PCNX2: variants seen among roughly 807,000 people sequenced by gnomAD.
The protein encoded by PCNX2 is pecanex-like protein 2.
A neutral mutation model predicts 223.8 loss-of-function variants in PCNX2; 168 were observed. That is an observed-to-expected ratio of 0.75 (90% CI 0.66 to 0.85). PCNX2 has a LOEUF of 0.85. PCNX2 is among the 40% of genes least tolerant of loss of function. PCNX2 has a pLI of 0.00. For missense variants in PCNX2, 2,507 were observed against 2,675.5 expected, an observed-to-expected ratio of 0.94 and a Z score of 1.39; for synonymous variants, 1,006 against 1,052.6, an observed-to-expected ratio of 0.96 and a Z score of 0.86.
chr1:233,292,264 T>G (rs995409900), intron 1 of PCNX2, among the ~76,000 whole-genome samples: 1 of 147,132 alleles, frequency 6.8e-6, no homozygotes, highest in African/African-American at 2.6e-5. Context: ...TGGAGTGCAG[T>G]GGCGTGATCT....
intron 15 of PCNX2, among the ~76,000 whole-genome samples, chr1:233,179,880 G>T (rs1206720336): frequency 2.0e-5 from 3 of 152,166 alleles, no homozygotes; most frequent in Non-Finnish European, 4.4e-5. Context: ...CTTCTTCTTT[G>T]TTCTCCCTTG....
At chr1:233,062,795 G>A (rs575091620) in intron 23 of PCNX2, among the ~76,000 whole-genome samples, 4 of 152,230 alleles carry the variant, frequency 2.6e-5, no homozygotes, top group African/African-American at 9.6e-5. Context: ...ACTATAGTCT[G>A]ATTATAAAAT....
intron 15 of PCNX2, among the ~76,000 whole-genome samples, chr1:233,180,492 C>T (rs1679726001): frequency 1.3e-5 from 2 of 151,984 alleles, no homozygotes; most frequent in Non-Finnish European, 2.9e-5. Flanking sequence ...TGAATTTAGT[C>T]AAGAACTTAA....
At chr1:233,032,264 G>A (rs1433405847) in intron 25 of PCNX2, among the ~76,000 whole-genome samples, 1 of 152,034 alleles carries the variant, frequency 6.6e-6, no homozygotes, top group Admixed American at 6.6e-5. Flanking sequence ...CACCACACCT[G>A]GCTAATTTTG....
At chr1:232,987,034 A>G (rs1222172115) in intron 32 of PCNX2, among the ~76,000 whole-genome samples, 1 of 152,218 alleles carries the variant, frequency 6.6e-6, no homozygotes, top group Non-Finnish European at 1.5e-5. Flanking sequence ...TTTATTTGCC[A>G]TGAAAAAAGA....
chr1:233,011,921 A>C (rs1670482171), intron 28 of PCNX2, among the ~76,000 whole-genome samples: 1 of 152,184 alleles, frequency 6.6e-6, no homozygotes, highest in South Asian at 2.1e-4. Context: ...CCAAAGAGGG[A>C]ATTGTGGGAC....
intron 19 of PCNX2, 88 bp downstream of exon 19, chr1:233,160,195 T>C: frequency 7.2e-7 from 1 of 1,395,282 alleles, no homozygotes; most frequent in Admixed American, 1.9e-5. Context: ...TGGCATTAAG[T>C]ACATTCAGAC....
chr1:233,239,080 C>T (rs148659073), intron 8 of PCNX2, among the ~76,000 whole-genome samples: 43 of 152,264 alleles, frequency 2.8e-4, no homozygotes, highest in Non-Finnish European at 5.6e-4. Flanking sequence ...GCAATGTTGA[C>T]ACAAATTCAG....
In PCNX2 at chr1:233,025,273, C is replaced by A. The variant is rs756831078; in HGVS notation, c.4478G>T (p.Arg1493Leu). ...CTGCGTGATTTCCCAGGTGAGCCAG[C>A]GGAGGTGAAAGGCAGCGTTGCAGGA... is the stretch of plus-strand genomic sequence containing the variant. ...LLSCNAAFHL[R>L]WLTWEITQTQ... Residue 1493 changes from arginine to leucine, a missense_variant, in exon 26 of 34, where the codon CGC (arginine) becomes CTC (leucine). Arg to Leu is a moderately radical substitution (Grantham distance 102). Around this residue, in one of 3 missense-constraint regions of PCNX2, gnomAD observed 1,372 missense variants for 1,509.4 expected, o/e 0.91. Coordinates refer to ENST00000258229, the MANE Select transcript of PCNX2 (RefSeq NM_014801.4). The A allele has an allele frequency of 1.2e-6, 2 of 1,613,976 alleles. No homozygotes were observed. Among genetic ancestry groups the A allele is most frequent in the Non-Finnish European group, 1.7e-6 (2 of 1,179,894 alleles).
intron 26 of PCNX2, among the ~76,000 whole-genome samples, chr1:233,021,399 C>A (rs770445818): frequency 2.3e-4 from 35 of 152,134 alleles, no homozygotes; most frequent in Non-Finnish European, 4.6e-4. Flanking sequence ...ACTGATTAAA[C>A]AATATAAGTC....
At chr1:233,237,132 T>G (rs540542955) in intron 8 of PCNX2, 152 bp from the exon 9 acceptor site, 2 of 533,404 alleles carry the variant, frequency 3.7e-6, no homozygotes, top group Admixed American at 1.3e-4. Flanking sequence ...TTTAAAATTA[T>G]GTATACAAGG....
chr1:233,321,582 G>A, the PCNX2 span, among the ~76,000 whole-genome samples: 1 of 152,300 alleles, frequency 6.6e-6, no homozygotes, highest in East Asian at 1.9e-4. Context: ...ATAGGCATGA[G>A]CCACCACGCC....
At chr1:233,115,294 C>T (rs904570182) in intron 21 of PCNX2, among the ~76,000 whole-genome samples, 2 of 152,044 alleles carry the variant, frequency 1.3e-5, no homozygotes, top group African/African-American at 2.4e-5. Context: ...CCCCCTACCC[C>T]ACACCTTACC....
intron 1 of PCNX2, chr1:233,288,971 G>C (rs1661602586): frequency 6.6e-7 from 1 of 1,515,504 alleles, no homozygotes. Context: ...GCTGTGCTTT[G>C]TCCAAATGAA....
At chr1:233,224,359 C>G (rs1013003675) in intron 10 of PCNX2, among the ~76,000 whole-genome samples, 1 of 152,160 alleles carries the variant, frequency 6.6e-6, no homozygotes, top group African/African-American at 2.4e-5. Context: ...GGAACTGCAA[C>G]GGCAGGAACC....
intron 19 of PCNX2, among the ~76,000 whole-genome samples, chr1:233,140,806 G>A (rs1444017692): frequency 6.6e-6 from 1 of 152,182 alleles, no homozygotes; most frequent in East Asian, 1.9e-4. Flanking sequence ...CCCAACTTGA[G>A]GAGAGCACAG....
intron 19 of PCNX2, among the ~76,000 whole-genome samples, chr1:233,143,183 C>T (rs1205858667): frequency 2.6e-5 from 4 of 152,226 alleles, no homozygotes; most frequent in African/African-American, 9.7e-5. Context: ...TTCTCTTCCT[C>T]ATACATTCTT....
intron 32 of PCNX2, among the ~76,000 whole-genome samples, chr1:232,995,217 C>A (rs1251448130): frequency 6.6e-6 from 1 of 152,164 alleles, no homozygotes; most frequent in Non-Finnish European, 1.5e-5. Context: ...GAGTTCAAAG[C>A]AGCTGATGCT....
At chr1:233,203,183 C>T (rs1209657632) in intron 13 of PCNX2, among the ~76,000 whole-genome samples, 1 of 152,196 alleles carries the variant, frequency 6.6e-6, no homozygotes, top group Non-Finnish European at 1.5e-5. Flanking sequence ...CCCATACAGG[C>T]CATGTGGCTA....
Sources: gnomAD v4.1 joint callset for allele counts (sites outside exome capture counted in the v4.1 genomes callset) on GRCh38, gnomAD v4.1.1 for gene constraint, gnomAD v4.1.1 regional missense constraint, MANE v1.5 for transcripts, NCBI Gene and HGNC (gene_info 2026-07-23, HGNC 2026-07-21) for gene names.